Variants in SFTPD observed in about 807,000 individuals in gnomAD.
SFTPD encodes the protein surfactant protein D, also known as pulmonary surfactant-associated protein D.
SFTPD carries 18 observed loss-of-function variants against 34.6 expected under a neutral mutation model. The observed-to-expected ratio is 0.52, with a 90% confidence interval of 0.36 to 0.77. The LOEUF (loss-of-function observed/expected upper bound fraction) is 0.77. SFTPD is among the 30% of genes least tolerant of loss of function. The probability of loss-of-function intolerance (pLI) is 0.00; values close to 1 mark genes in which losing one functional copy is unlikely to be tolerated. For synonymous variants in SFTPD, 155 were observed against 180.9 expected (o/e 0.86, Z 1.15); for missense variants, 433 against 468.9 (o/e 0.92, Z 0.71).
chr10:79,966,765 G>A (rs1842805232), intron 1 of SFTPD, among the ~76,000 whole-genome samples: 1 of 143,686 alleles, frequency 7.0e-6, no homozygotes, highest in African/African-American at 2.7e-5. Context: ...TTTGTATAAG[G>A]TGTAAGGAAG....
chr10:79,978,713 C>T (rs1336311459), intron 1 of SFTPD, among the ~76,000 whole-genome samples: 2 of 147,716 alleles, frequency 1.4e-5, no homozygotes, highest in Non-Finnish European at 3.0e-5. Flanking sequence ...AAATAAAGGC[C>T]TTATATGACA....
intron 2 of SFTPD, among the ~76,000 whole-genome samples, chr10:79,944,992 G>C (rs1170190770): frequency 6.6e-6 from 1 of 152,016 alleles, no homozygotes; most frequent in Admixed American, 6.6e-5. Flanking sequence ...TGAGGATTCT[G>C]AGGGAACCCA....
At chr10:79,942,944 G>A (rs1210486969) in intron 2 of SFTPD, 65 bp from the exon 3 acceptor site, 7 of 1,002,328 alleles carry the variant, frequency 7.0e-6, no homozygotes, top group East Asian at 2.4e-5. Context: ...GCCTCCTGCA[G>A]GATCAGCCCC....
intron 1 of SFTPD, among the ~76,000 whole-genome samples, chr10:79,960,685 A>G (rs994835030): frequency 6.6e-6 from 1 of 152,080 alleles, no homozygotes; most frequent in Non-Finnish European, 1.5e-5. Context: ...GCTCATGGGT[A>G]GGAAGAATCA....
chr10:79,942,123 G>C, intron 4 of SFTPD, 53 bp from the exon 5 acceptor site: 2 of 1,360,926 alleles, frequency 1.5e-6, no homozygotes, highest in Non-Finnish European at 2.1e-6. Flanking sequence ...TTCAGCAGGT[G>C]TGGTTTTGTT....
intron 1 of SFTPD, among the ~76,000 whole-genome samples, chr10:79,974,292 C>T (rs11591949): frequency 2.0e-5 from 3 of 152,082 alleles, no homozygotes; most frequent in Admixed American, 6.6e-5. Context: ...CTCCGCCTCC[C>T]GAGTAGCTGG....
In SFTPD at chr10:79,966,814, T is replaced by C. The variant is rs932281278; in HGVS notation, c.36+15761A>G. On this transcript the variant is annotated intron_variant, in intron 1 of 5. Coordinates refer to the SFTPD transcript ENST00000444384. ...GCTTTCTACATATGGCTAGCCAGTT[T>C]TCCCAGCACCATTTATTAAATAGGG... Among the ~76,000 whole-genome samples, 12 of 145,850 alleles carry C rather than the reference T, an allele frequency of 8.2e-5. 2 individuals are homozygous for C. Among genetic ancestry groups the C allele is most frequent in the African/African-American group, 3.1e-4 (12 of 38,156 alleles).
At chr10:79,981,663 A>G (rs1259994667) in intron 1 of SFTPD, among the ~76,000 whole-genome samples, 2 of 152,176 alleles carry the variant, frequency 1.3e-5, no homozygotes, top group Non-Finnish European at 2.9e-5. Context: ...GTTAAAAACA[A>G]CTGGGTGGCT....
chr10:79,955,859 C>T (rs557893794), intron 1 of SFTPD, among the ~76,000 whole-genome samples: 1 of 152,184 alleles, frequency 6.6e-6, no homozygotes, highest in Non-Finnish European at 1.5e-5. Context: ...AGAGAAACAT[C>T]TCTACTGCAT....
intron 1 of SFTPD, among the ~76,000 whole-genome samples, chr10:79,974,293 GAGT>G (rs1313519954): frequency 6.6e-6 from 1 of 151,942 alleles, no homozygotes; most frequent in Non-Finnish European, 1.5e-5. Flanking sequence ...TCCGCCTCCC[GAGT>G]AGCTGGGACT....
At position 79,942,438 on chromosome 10, in the gene SFTPD, T is replaced by G. The variant is rs1263401894; in HGVS notation, c.383A>C (p.Asn128Thr). 1.2e-6 allele frequency: 2 copies of G among 1,613,492 alleles called. No homozygotes were observed. Among genetic ancestry groups the G allele is most frequent in the Admixed American group, 1.7e-5 (1 of 59,998 alleles). Residue 128 changes from asparagine (N) to threonine (T), a missense_variant, in exon 4 of 8, where the codon AAC becomes ACC. Coordinates refer to ENST00000372292, the MANE Select transcript of SFTPD (RefSeq NM_003019.5). Reference sequence around the variant, plus strand: ...GCCTGGCTTGCCCTGAGGTCCTATGTTCCCCTGCTTCCCCAGGGGACCTTC... The same window carrying G: ...GCCTGGCTTGCCCTGAGGTCCTATGGTCCCCTGCTTCCCCAGGGGACCTTC... ...GREGPLGKQG[N>T]IGPQGKPGPK...
At chr10:79,966,900 G>A (rs1268142188) in intron 1 of SFTPD, among the ~76,000 whole-genome samples, 2 of 147,842 alleles carry the variant, frequency 1.4e-5, no homozygotes, top group Non-Finnish European at 3.0e-5. Context: ...ACAAGACAGG[G>A]ATGCCCTCTC....
intron 1 of SFTPD, among the ~76,000 whole-genome samples, chr10:79,963,221 C>A (rs981575190): frequency 6.6e-6 from 1 of 151,994 alleles, no homozygotes; most frequent in Non-Finnish European, 1.5e-5. Flanking sequence ...TACATTCCTG[C>A]AGTCCTAGCT....
intron 1 of SFTPD, among the ~76,000 whole-genome samples, chr10:79,975,437 C>T (rs1227646746): frequency 2.0e-5 from 3 of 152,188 alleles, no homozygotes; most frequent in Non-Finnish European, 4.4e-5. Flanking sequence ...TACCCTGATG[C>T]TTCCAAGCTC....
At position 79,975,164 on chromosome 10, in the gene SFTPD, C is replaced by G. The variant is rs755009030; in HGVS notation, c.36+7411G>C. 3.9e-5 allele frequency among the ~76,000 whole-genome samples: 6 copies of G among 152,238 alleles called. No homozygotes were observed. In the South Asian group the frequency reaches 1.2e-3, roughly 32 times the overall value. ...AAGAGCAGTCGCTCTAGGTGCTGCT[C>G]GAACAGTCACTGGGGCAACTACTTT... On this transcript the variant is annotated intron_variant, in intron 1 of 5. Coordinates refer to the SFTPD transcript ENST00000444384.
chr10:79,981,825 C>T, intron 1 of SFTPD: 1 of 199,514 alleles, frequency 5.0e-6, no homozygotes, highest in Non-Finnish European at 1.0e-5. Flanking sequence ...GCGCCCAGAC[C>T]GGCAGTGGCC....
At chr10:79,944,700 C>T (rs371081380) in intron 2 of SFTPD, among the ~76,000 whole-genome samples, 28 of 152,116 alleles carry the variant, frequency 1.8e-4, no homozygotes, top group Non-Finnish European at 2.5e-4. Flanking sequence ...GACTCCCCCA[C>T]GGAATATTGC....
intron 7 of SFTPD, 85 bp downstream of exon 7, chr10:79,940,620 C>A (rs1308380889): frequency 4.6e-6 from 4 of 870,678 alleles, no homozygotes; most frequent in South Asian, 1.4e-5. Flanking sequence ...AAAGGTCTAG[C>A]CCCAGCCAAA....
At chr10:79,972,687 A>G (rs1312795030) in intron 1 of SFTPD, 2 of 152,094 alleles carry the variant, frequency 1.3e-5, no homozygotes, top group East Asian at 1.9e-4. Flanking sequence ...TAACAAAAAC[A>G]TTTTCATGGC....
Sources: allele counts gnomAD v4.1 joint callset (sites outside exome capture counted in the v4.1 genomes callset), GRCh38; gene constraint gnomAD v4.1.1; transcripts MANE v1.5; gene names NCBI Gene and HGNC (gene_info 2026-07-23, HGNC 2026-07-21).